Variants in IL27RA observed in about 807,000 individuals in gnomAD.
IL27RA encodes the protein interleukin 27 receptor subunit alpha.
In IL27RA, 61 loss-of-function variants were observed where a neutral mutation model predicts 80.8. The observed-to-expected ratio is 0.76, with a 90% CI of 0.61 to 0.93. The LOEUF (loss-of-function observed/expected upper bound fraction) is 0.93, where lower values mean the gene tolerates loss of function less well. Among genes scored for constraint, IL27RA ranks in the 40% least tolerant of loss-of-function variants. IL27RA has a pLI of 0.00. For missense variants in IL27RA, 735 were observed against 808.1 expected, an observed-to-expected ratio of 0.91 and a Z score of 1.10; for synonymous variants, 316 against 332.5, an observed-to-expected ratio of 0.95 and a Z score of 0.54.
In IL27RA at chr19:14,050,793, C is replaced by T. The variant is rs1424787766; in HGVS notation, c.1438C>T (p.Leu480Phe). Residue 480 changes from leucine (L) to phenylalanine (F), a missense_variant, in exon 11 of 14, where the codon CTT becomes TTT. Physicochemically the swap from Leu to Phe is conservative, Grantham distance 22. Transcript: ENST00000263379. ...CACACAGAGTGTCACCCTGCCTGAC[C>T]TTCCTTGGGGTCCCTGTGAGCTGTG... ...GNTQSVTLPD[L>F]PWGPCELWVT... 9.3e-6 allele frequency: 15 copies of T among 1,613,444 alleles called. No individual in the cohort carries two copies. The South Asian group carries it at 1.5e-4, about 17-fold the overall frequency.
In IL27RA at chr19:14,032,442, T is replaced by G; in HGVS notation, c.157T>G (p.Ser53Ala). The change falls in exon 2 of 14, where the codon TCG (serine) becomes GCG (alanine). Residue 53 changes from serine to alanine, a missense_variant. Physicochemically the swap from Ser to Ala is moderately conservative, Grantham distance 99 (BLOSUM62 1). Coordinates refer to ENST00000263379, the MANE Select transcript of IL27RA (RefSeq NM_004843.4). ...GVGPLGDLNC[S>A]WEPLGDLGAP... ...TGGACCCTTGGGCGACTTGAACTGC[T>G]CGTGGGAGCCTCTTGGGGACCTGGG... is the stretch of plus-strand genomic sequence containing the variant. 1 of 1,613,460 alleles carries G rather than the reference T, an allele frequency of 6.2e-7. No individual in the cohort carries two copies. Among genetic ancestry groups the G allele is most frequent in the Non-Finnish European group, 8.5e-7 (1 of 1,179,846 alleles).
intron 8 of IL27RA, among the ~76,000 whole-genome samples, chr19:14,047,356 T>C (rs1976083927): frequency 1.5e-5 from 2 of 134,890 alleles, no homozygotes; most frequent in Admixed American, 7.1e-5. Context: ...AGCCTAACTT[T>C]TCTTTTTTTT....
At chr19:14,038,246 G>C (rs1016301823) in intron 2 of IL27RA, among the ~76,000 whole-genome samples, 2 of 151,884 alleles carry the variant, frequency 1.3e-5, no homozygotes, top group African/African-American at 4.8e-5. Flanking sequence ...GGGCTCAATC[G>C]ATCCTCCCAC....
At chr19:14,042,366 C>T (rs891481197) in intron 4 of IL27RA, 87 bp from the exon 5 acceptor site, 117 of 1,434,816 alleles carry the variant, frequency 8.2e-5, no homozygotes, top group Admixed American at 1.5e-4. Context: ...TGTCTCAAAA[C>T]GAAAAACAAA....
intron 4 of IL27RA, among the ~76,000 whole-genome samples, chr19:14,041,749 A>G (rs1975992334): frequency 6.6e-6 from 1 of 152,148 alleles, no homozygotes; most frequent in Admixed American, 6.6e-5. Flanking sequence ...CTGGGCAAAT[A>G]CAAATGGTTG....
rs1370755662 is a variant in IL27RA at position 14,052,913 on chromosome 19, A to G, written c.*623A>G. On this transcript the variant is annotated 3_prime_UTR_variant, in exon 14 of 14. Coordinates refer to ENST00000263379, the MANE Select transcript of IL27RA (RefSeq NM_004843.4). ...CAAACTAATAAAAAGCAAAAAAAAA[A>G]AAAAAAGAAAAGAAAAAACACTGCA... 6.6e-6 allele frequency: 1 copy of G among 151,952 alleles called. No individual in the cohort carries two copies. The highest frequency in any genetic ancestry group is 1.5e-5 in the Non-Finnish European group (1 of 68,064). The allele number at this position is 151,952 out of a possible 1,614,324, so 9.4% of individuals were successfully genotyped here. A position where few individuals can be genotyped will look rare whatever the true frequency, so the allele number is the denominator to read the frequency against.
chr19:14,037,834 C>CTTTTTTTTTTTTTTTTTTTTTT (rs1555764856), intron 2 of IL27RA, among the ~76,000 whole-genome samples: 1 of 129,422 alleles, frequency 7.7e-6, no homozygotes, highest in Admixed American at 8.1e-5. Context: ...CTCTCTCTCT[C>CTTTTTTTTTTTTTTTTTTTTTT]TTTTTTTTTT....
In IL27RA at chr19:14,042,707, C is replaced by T; in HGVS notation, c.695-9C>T. ...ACTCATTTGTTCCCCGTTTCCTCAT[C>T]CTTGCCAGCTCCAAAAGATGTGTGG... On this transcript the variant is annotated splice_polypyrimidine_tract_variant and intron_variant, in intron 5 of 13. Transcript: ENST00000263379. The T allele has an allele frequency of 1.2e-6, 2 of 1,614,142 alleles. No homozygotes were observed. Among genetic ancestry groups the T allele is most frequent in the South Asian group, 2.2e-5 (2 of 91,082 alleles).
Position 14,039,640 on chromosome 19 carries a change from C to A in IL27RA, c.351C>A (p.Pro117=). 6.2e-7 allele frequency: 1 copy of A among 1,613,946 alleles called. No homozygotes were observed. The highest frequency in any genetic ancestry group is 8.5e-7 in the Non-Finnish European group (1 of 1,179,922). ...GTKAGQPLWP[P]VFVNLETQMK... Reference sequence around the variant, plus strand: ...AGGCAGGCCAGCCTCTCTGGCCCCCCGTCTTCGTGAACCTAGAAACCCAAA... The same window carrying A: ...AGGCAGGCCAGCCTCTCTGGCCCCCAGTCTTCGTGAACCTAGAAACCCAAA... The change falls in exon 3 of 14, where the codon CCC becomes CCA. Residue 117 remains proline (P), a synonymous_variant. Transcript: ENST00000263379.
At position 14,031,855 on chromosome 19, in the gene IL27RA, G is replaced by A. The variant is rs1975818877; in HGVS notation, c.-18G>A. 2 of 1,578,448 alleles carry A rather than the reference G, an allele frequency of 1.3e-6. No homozygotes were observed. Among genetic ancestry groups the A allele is most frequent in the East Asian group, 2.3e-5 (1 of 43,096 alleles). ...ACCCGGCAAGGCTGGGCCGGACTCG[G>A]GGCTCCCGAGGGACGCCATGCGGGG... On this transcript the variant is annotated 5_prime_UTR_variant, in exon 1 of 14. Transcript: ENST00000263379.
At chr19:14,034,398 G>A (rs930156353) in intron 2 of IL27RA, among the ~76,000 whole-genome samples, 1 of 152,064 alleles carries the variant, frequency 6.6e-6, no homozygotes, top group Non-Finnish European at 1.5e-5. Context: ...GGTGGCTCAC[G>A]CCTGTAATCC....
chr19:14,052,645 C>A lies in IL27RA; in HGVS notation c.*355C>A, dbSNP rs1455522539. ...CTTTGGCAGGCCAAGGTGGAAGGAT[C>A]ACTTAGAGCTAGGAGTTTGAGACCA... On this transcript the variant is annotated 3_prime_UTR_variant, in exon 14 of 14. Transcript: ENST00000263379. 9.8e-6 allele frequency: 2 copies of A among 204,082 alleles called. No individual in the cohort carries two copies. Among genetic ancestry groups the A allele is most frequent in the African/African-American group, 2.3e-5 (1 of 43,282 alleles). 12.6% of individuals were successfully genotyped at this position (204,082 alleles called of 1,614,324 possible).
In IL27RA at chr19:14,049,061, T is replaced by G. The variant is rs1976115296; in HGVS notation, c.1222T>G (p.Trp408Gly). 6 of 1,613,702 alleles carry G rather than the reference T, an allele frequency of 3.7e-6. No homozygotes were observed. The highest frequency in any genetic ancestry group is 4.2e-6 in the Non-Finnish European group (5 of 1,179,844). Residue 408 changes from tryptophan to glycine, a missense_variant, in exon 9 of 14, where the codon TGG becomes GGG. Physicochemically the swap from Trp to Gly is radical, Grantham distance 184. Transcript: ENST00000263379. ...AGGCTTGGCCTCTGCATCCTCCGTC[T>G]GGGGGTTCAGGGAGGAATTAGGTAA... ...ASGLASASSVWGFREELAPLV... is the reference protein window; with the variant it reads ...ASGLASASSVGGFREELAPLV...
intron 2 of IL27RA, among the ~76,000 whole-genome samples, chr19:14,036,529 C>T (rs1487607160): frequency 1.3e-5 from 2 of 148,328 alleles, no homozygotes; most frequent in African/African-American, 5.0e-5. Context: ...GGCTCTGTCA[C>T]CCAGGCTGGA....
At position 14,049,151 on chromosome 19, in the gene IL27RA, C is replaced by T. The variant is rs375852024; in HGVS notation, c.1244-5C>T. ...CCGACCTTGACCTACTGCCTTCCTC[C>T]CCAGCACCCCTAGTGGGGCCAACGC... On this transcript the variant is annotated splice_region_variant and splice_polypyrimidine_tract_variant and intron_variant, in intron 9 of 13. Coordinates refer to ENST00000263379, the MANE Select transcript of IL27RA (RefSeq NM_004843.4). 8 of 1,613,380 alleles carry T rather than the reference C, an allele frequency of 5.0e-6. No individual in the cohort carries two copies. In the South Asian group the frequency reaches 8.8e-5, roughly 18 times the overall value.
Position 14,050,864 on chromosome 19 carries a change from C to T in IL27RA, c.1509C>T (p.Ile503=), listed in dbSNP as rs149306793. Residue 503 remains isoleucine, a synonymous_variant, in exon 11 of 14, where the codon ATC becomes ATT. Coordinates refer to ENST00000263379, the MANE Select transcript of IL27RA (RefSeq NM_004843.4). The part of the protein sequence containing the change: ...TIAGQGPPGP[I]LRLHLPDNTL... Reference sequence around the variant, plus strand: ...CTGGACAGGGCCCTCCTGGTCCCATCCTCCGGCTTCATCTACCAGGTAGGG... The same window carrying T: ...CTGGACAGGGCCCTCCTGGTCCCATTCTCCGGCTTCATCTACCAGGTAGGG... 1.3e-5 allele frequency: 21 copies of T among 1,610,444 alleles called. No homozygotes were observed. Among genetic ancestry groups the T allele is most frequent in the Non-Finnish European group, 1.7e-5 (20 of 1,177,440 alleles).
At chr19:14,043,253 C>A (rs899013522) in intron 6 of IL27RA, among the ~76,000 whole-genome samples, 4 of 152,060 alleles carry the variant, frequency 2.6e-5, no homozygotes, top group East Asian at 3.8e-4. Context: ...GTGGTCAGCA[C>A]AGGGTGGGGC....
chr19:14,051,777 T>G, intron 12 of IL27RA, 77 bp downstream of exon 12: 1 of 1,427,858 alleles, frequency 7.0e-7, no homozygotes, highest in East Asian at 2.3e-5. Flanking sequence ...CCAGGGGGCT[T>G]GAAGGGAGGC....
chr19:14,043,377 G>T (rs1400053510), intron 6 of IL27RA, among the ~76,000 whole-genome samples: 2 of 151,972 alleles, frequency 1.3e-5, no homozygotes, highest in African/African-American at 2.4e-5. Context: ...CGAGACTGGA[G>T]CTCAGCTCCA....
Sources: allele counts gnomAD v4.1 joint callset (sites outside exome capture counted in the v4.1 genomes callset), GRCh38; gene constraint gnomAD v4.1.1; transcripts MANE v1.5; gene names NCBI Gene and HGNC (gene_info 2026-07-23, HGNC 2026-07-21).